DCC: variants seen among roughly 807,000 people sequenced by gnomAD.
The protein encoded by DCC is DCC netrin 1 receptor.
A neutral mutation model predicts 172.5 loss-of-function variants in DCC; 58 were observed. The ratio of observed to expected loss-of-function variants is 0.34; its 90% CI spans 0.27 to 0.42. DCC has a LOEUF of 0.42. Ranked by LOEUF, DCC falls within the 10% of genes least tolerant of loss-of-function variation. DCC has a pLI of 1.00. For missense variants in DCC, 1,740 were observed against 1,791.0 expected, an observed-to-expected ratio of 0.97 and a Z score of 0.51; for synonymous variants, 709 against 644.5, an observed-to-expected ratio of 1.10 and a Z score of -1.52.
rs1296170570 is a variant in DCC at position 52,883,386 on chromosome 18, GTGTGTGAGA to G, written c.413-22656_413-22648del. ...TGTGTGTGTGTGTGTGTGTGTGTGT[GTGTGTGAGA>G]TCTCTTTCTGTCTTCCTTTTAGTGA... On this transcript the variant is annotated intron_variant, in intron 2 of 28. Transcript: ENST00000442544. Among the ~76,000 whole-genome samples, 126 of 86,514 alleles carry G rather than the reference GTGTGTGAGA, an allele frequency of 1.5e-3. 1 individual carries two copies. The highest frequency in any genetic ancestry group is 7.1e-3 in the East Asian group (13 of 1,832). 56.8% of individuals were successfully genotyped at this position (86,514 alleles called of 152,430 possible).
intron 7 of DCC, among the ~76,000 whole-genome samples, chr18:53,084,494 A>G (rs1038943926): frequency 6.6e-6 from 1 of 152,162 alleles, no homozygotes; most frequent in Non-Finnish European, 1.5e-5. Flanking sequence ...GCAGGATATG[A>G]GTTGCTGCTC....
intron 5 of DCC, among the ~76,000 whole-genome samples, chr18:52,990,547 A>C (rs2041371593): frequency 9.9e-6 from 1 of 100,606 alleles, no homozygotes; most frequent in African/African-American, 5.1e-5. Flanking sequence ...TCCCAAAAAA[A>C]AAAAAAAAAA....
intron 5 of DCC, among the ~76,000 whole-genome samples, chr18:53,041,160 G>A (rs909166166): frequency 6.6e-6 from 1 of 151,836 alleles, no homozygotes; most frequent in Non-Finnish European, 1.5e-5. Context: ...TTACGTTTAA[G>A]TCTTTAATCC....
chr18:52,605,139 T>C (rs527850818), intron 1 of DCC, among the ~76,000 whole-genome samples: 1 of 152,232 alleles, frequency 6.6e-6, no homozygotes, highest in African/African-American at 2.4e-5. Context: ...TGGATAAAGA[T>C]AATTAAATGT....
chr18:53,210,564 A>G (rs1353663671), intron 11 of DCC, among the ~76,000 whole-genome samples: 1 of 152,194 alleles, frequency 6.6e-6, no homozygotes, highest in East Asian at 1.9e-4. Flanking sequence ...CAGCTCAGTC[A>G]AAACTGTGCA....
At chr18:53,306,550 A>T (rs967705617) in intron 13 of DCC, among the ~76,000 whole-genome samples, 4 of 152,208 alleles carry the variant, frequency 2.6e-5, no homozygotes, top group African/African-American at 9.6e-5. Context: ...CACATGAACT[A>T]TCTCACAGTC....
chr18:53,478,979 G>A (rs1007375357), intron 25 of DCC, among the ~76,000 whole-genome samples: 2 of 152,188 alleles, frequency 1.3e-5, no homozygotes, highest in Non-Finnish European at 2.9e-5. Context: ...ATTGGTCCCA[G>A]CTCAATAGTC....
At chr18:52,353,830 T>G (rs1984239467) in intron 1 of DCC, among the ~76,000 whole-genome samples, 1 of 152,198 alleles carries the variant, frequency 6.6e-6, no homozygotes, top group African/African-American at 2.4e-5. Context: ...GCTTAGCTCA[T>G]GAACTGTAGG....
intron 5 of DCC, among the ~76,000 whole-genome samples, chr18:52,927,501 T>C (rs1366959787): frequency 6.6e-6 from 1 of 152,056 alleles, no homozygotes; most frequent in Non-Finnish European, 1.5e-5. Flanking sequence ...ATTTCATTGA[T>C]GCACATATGC....
At chr18:52,537,391 A>G (rs1271073007) in intron 1 of DCC, among the ~76,000 whole-genome samples, 2 of 152,136 alleles carry the variant, frequency 1.3e-5, no homozygotes, top group Non-Finnish European at 2.9e-5. Context: ...CTGTTGTGGG[A>G]TGGGTTTTTG....
At chr18:53,251,816 G>C (rs1331927466) in intron 12 of DCC, among the ~76,000 whole-genome samples, 1 of 151,826 alleles carries the variant, frequency 6.6e-6, no homozygotes, top group Non-Finnish European at 1.5e-5. Flanking sequence ...TTCATGACTT[G>C]TCATCTTCAG....
chr18:52,814,464 G>T (rs541951494), intron 2 of DCC, among the ~76,000 whole-genome samples: 1 of 152,330 alleles, frequency 6.6e-6, no homozygotes, highest in East Asian at 1.9e-4. Flanking sequence ...AACGCAAAGA[G>T]AGCACCAGGG....
intron 2 of DCC, among the ~76,000 whole-genome samples, chr18:52,753,291 T>C (rs1162442142): frequency 1.3e-5 from 2 of 152,182 alleles, no homozygotes; most frequent in Non-Finnish European, 2.9e-5. Context: ...TTCATGTTTA[T>C]TCTGTCATGG....
intron 1 of DCC, among the ~76,000 whole-genome samples, chr18:52,497,336 C>G (rs1277927553): frequency 2.1e-5 from 2 of 94,308 alleles, no homozygotes; most frequent in South Asian, 3.4e-4. Flanking sequence ...TATATATACA[C>G]ACGTATGCAT....
At chr18:52,853,468 A>G (rs543222943) in intron 2 of DCC, among the ~76,000 whole-genome samples, 1 of 152,202 alleles carries the variant, frequency 6.6e-6, no homozygotes, top group Non-Finnish European at 1.5e-5. Flanking sequence ...GAAACGGTAC[A>G]CTTTTCAGGT....
At chr18:52,856,616 A>T (rs1378347356) in intron 2 of DCC, among the ~76,000 whole-genome samples, 1 of 98,838 alleles carries the variant, frequency 1.0e-5, no homozygotes, top group Non-Finnish European at 2.0e-5. Flanking sequence ...ACAGAGCAAG[A>T]CTCCATCTCA....
chr18:53,519,581 G>C (rs1354205), intron 27 of DCC, among the ~76,000 whole-genome samples: 6,604 of 150,868 alleles, frequency 0.044, 484 homozygotes, highest in African/African-American at 0.15. Context: ...ATATTTGGGA[G>C]AGATCCCAGA....
chr18:53,222,383 C>CTTTTT (rs67373546), intron 12 of DCC, among the ~76,000 whole-genome samples: 25 of 104,150 alleles, frequency 2.4e-4, no homozygotes, highest in Admixed American at 4.7e-4. Flanking sequence ...TTTCTTTTTT[C>CTTTTT]TTTTTTTTTT....
chr18:53,068,797 GTATGTGTA>G lies in DCC; in HGVS notation c.1261+2633_1261+2640del, dbSNP rs374407458. 2.3e-4 allele frequency among the ~76,000 whole-genome samples: 34 copies of G among 145,660 alleles called. 1 individual carries two copies. Among genetic ancestry groups the G allele is most frequent in the African/African-American group, 7.6e-4 (30 of 39,300 alleles). On this transcript the variant is annotated intron_variant, in intron 7 of 28. Transcript: ENST00000442544. ...TGTGTGTGTGTGTGTGTGTGTGTGTGTATGTGTATGTGTGTGTGTGTTGCTGGGGACTG... is the reference window on the plus strand; with the variant it reads ...TGTGTGTGTGTGTGTGTGTGTGTGTGTGTGTGTGTGTGTTGCTGGGGACTG...
Sources: gnomAD v4.1 joint callset for allele counts (sites outside exome capture counted in the v4.1 genomes callset) on GRCh38, gnomAD v4.1.1 for gene constraint, MANE v1.5 for transcripts, NCBI Gene and HGNC (gene_info 2026-07-23, HGNC 2026-07-21) for gene names.